PCCA: variants seen among roughly 807,000 people sequenced by gnomAD.
PCCA encodes the protein propionyl-CoA carboxylase subunit alpha.
PCCA carries 74 observed loss-of-function variants against 101.3 expected under a neutral mutation model. The ratio of observed to expected loss-of-function variants is 0.73; its 90% CI spans 0.61 to 0.89. The LOEUF (loss-of-function observed/expected upper bound fraction) is 0.89, where lower values mean the gene tolerates loss of function less well. PCCA is among the 40% of genes least tolerant of loss of function. The probability of loss-of-function intolerance (pLI) is 0.00; values close to 1 mark genes in which losing one functional copy is unlikely to be tolerated. For synonymous variants in PCCA, 294 were observed against 313.6 expected (o/e 0.94, Z 0.66); for missense variants, 891 against 907.0 (o/e 0.98, Z 0.23).
chr13:100,257,719 C>T, intron 9 of PCCA, 46 bp downstream of exon 9: 1 of 1,377,924 alleles, frequency 7.3e-7, no homozygotes, highest in Non-Finnish European at 1.0e-6. Context: ...TTGCAGTTAC[C>T]AGAGTTTTAT....
At chr13:100,241,639 G>A (rs1566778976) in intron 8 of PCCA, among the ~76,000 whole-genome samples, 1 of 151,806 alleles carries the variant, frequency 6.6e-6, no homozygotes, top group African/African-American at 2.4e-5. Context: ...CCTAATTTTT[G>A]TATTTTTTTG....
At chr13:100,102,783 C>G (rs1717505931) in intron 1 of PCCA, 100 bp from the exon 2 acceptor site, 1 of 774,580 alleles carries the variant, frequency 1.3e-6, no homozygotes, top group African/African-American at 1.7e-5. Flanking sequence ...ATTTATTGAT[C>G]AGACACGTTC....
chr13:100,529,413 A>G (rs2088173372), intron 23 of PCCA, among the ~76,000 whole-genome samples: 2 of 152,154 alleles, frequency 1.3e-5, no homozygotes, highest in South Asian at 4.2e-4. Context: ...AAGAAGTCAA[A>G]TGACTGTCTC....
chr13:100,490,738 G>C (rs1487400608), intron 21 of PCCA: 1 of 152,258 alleles, frequency 6.6e-6, no homozygotes, highest in Non-Finnish European at 1.5e-5. Flanking sequence ...TCCCTGGCCA[G>C]CCACAGGCAA....
At chr13:100,094,802 G>GGTCTTGAACTCTTGACC (rs1364975996) in intron 1 of PCCA, among the ~76,000 whole-genome samples, 13 of 152,260 alleles carry the variant, frequency 8.5e-5, no homozygotes, top group African/African-American at 3.1e-4. Context: ...CGGCCTGGCT[G>GGTCTTGAACTCTTGACC]GTCTTGAACT....
chr13:100,158,244 T>C (rs1384883851), intron 6 of PCCA, among the ~76,000 whole-genome samples: 1 of 152,262 alleles, frequency 6.6e-6, no homozygotes, highest in Non-Finnish European at 1.5e-5. Flanking sequence ...TTAGAATCTA[T>C]GGAACCACTG....
intron 7 of PCCA, among the ~76,000 whole-genome samples, chr13:100,227,218 C>G (rs1027754035): frequency 1.3e-5 from 2 of 152,026 alleles, no homozygotes; most frequent in Admixed American, 6.6e-5. Flanking sequence ...CTCAGGTGAT[C>G]CGCCTGCCTC....
chr13:100,519,291 A>T (rs989391213), intron 22 of PCCA, among the ~76,000 whole-genome samples: 1 of 152,240 alleles, frequency 6.6e-6, no homozygotes, highest in African/African-American at 2.4e-5. Context: ...ATAGATTGAA[A>T]TTAAGTACCT....
At chr13:100,404,280 T>C (rs2152859297) in intron 19 of PCCA, among the ~76,000 whole-genome samples, 1 of 152,294 alleles carries the variant, frequency 6.6e-6, no homozygotes, top group African/African-American at 2.4e-5. Context: ...TCAGGAAAAC[T>C]TCACACTTTT....
In PCCA at chr13:100,394,454, T is replaced by TCA. The variant is rs1395230616; in HGVS notation, c.1746+25883_1746+25884dup. Among the ~76,000 whole-genome samples the TCA allele has an allele frequency of 6.6e-6, 1 of 152,170 alleles. No homozygotes were observed. The highest frequency in any genetic ancestry group is 1.5e-5 in the Non-Finnish European group (1 of 68,030). ...TGTGGAATGGATCTCTGTCAGACTA[T>TCA]CACAGCAGCTGTGTGTTTGCAGATT... On this transcript the variant is annotated intron_variant, in intron 19 of 23. Transcript: ENST00000376285. The surrounding 1 kb of genome is among the most constrained non-coding windows in gnomAD (Gnocchi z 4.3).
chr13:100,216,432 A>T (rs561738737), intron 7 of PCCA, among the ~76,000 whole-genome samples: 1 of 152,352 alleles, frequency 6.6e-6, no homozygotes, highest in East Asian at 1.9e-4. Context: ...AGTATTAGGT[A>T]AATGTCTCCT....
chr13:100,208,248 T>C (rs918650147), intron 6 of PCCA, among the ~76,000 whole-genome samples: 6 of 152,186 alleles, frequency 3.9e-5, no homozygotes, highest in African/African-American at 1.4e-4. Context: ...CTCTTGGTCA[T>C]GATGGCCAGG....
intron 18 of PCCA, among the ~76,000 whole-genome samples, chr13:100,365,455 A>G (rs538656381): frequency 6.6e-6 from 1 of 152,328 alleles, no homozygotes; most frequent in Admixed American, 6.5e-5. Context: ...CAATGTTCCA[A>G]TGCCTCTGGA....
At chr13:100,324,683 C>G (rs1300552660) in intron 16 of PCCA, among the ~76,000 whole-genome samples, 1 of 152,120 alleles carries the variant, frequency 6.6e-6, no homozygotes, top group African/African-American at 2.4e-5. Context: ...AGCATGAAAT[C>G]ATAACCACAT....
At chr13:100,345,223 G>A (rs1428988196) in intron 18 of PCCA, among the ~76,000 whole-genome samples, 2 of 152,228 alleles carry the variant, frequency 1.3e-5, no homozygotes, top group Admixed American at 6.5e-5. Flanking sequence ...ATTCAAAGCC[G>A]AGGCAGGCTA....
At chr13:100,348,906 C>CTCCCT (rs1555429093) in intron 18 of PCCA, among the ~76,000 whole-genome samples, 1,055 of 58,068 alleles carry the variant, frequency 0.018, 83 homozygotes, top group Non-Finnish European at 0.027. Context: ...TCCTTCCTTC[C>CTCCCT]TTCCTTTCTT....
At chr13:100,331,319 T>C (rs1016573535) in intron 17 of PCCA, among the ~76,000 whole-genome samples, 1 of 152,208 alleles carries the variant, frequency 6.6e-6, no homozygotes, top group African/African-American at 2.4e-5. Flanking sequence ...TGAGACTTAA[T>C]AGAAATGTTA....
intron 21 of PCCA, among the ~76,000 whole-genome samples, chr13:100,487,899 T>TAAA (rs71199602): frequency 2.4e-4 from 36 of 149,244 alleles, no homozygotes; most frequent in East Asian, 1.6e-3. Flanking sequence ...CTAATTAAAA[T>TAAA]AAAAAAAAAA....
chr13:100,462,882 G>A (rs541689129), intron 21 of PCCA, among the ~76,000 whole-genome samples: 34 of 152,320 alleles, frequency 2.2e-4, no homozygotes, highest in African/African-American at 7.5e-4. Context: ...CGCTAACAGA[G>A]GTGTATACGA....
Sources: allele counts gnomAD v4.1 joint callset (sites outside exome capture counted in the v4.1 genomes callset), GRCh38; gene constraint gnomAD v4.1.1; non-coding constraint Gnocchi (gnomAD v3.1); transcripts MANE v1.5; gene names NCBI Gene and HGNC (gene_info 2026-07-23, HGNC 2026-07-21).